GTF2F2: variants seen among roughly 807,000 people sequenced by gnomAD.
The protein encoded by GTF2F2 is ATP-dependent helicase GTF2F2.
In GTF2F2, 23 loss-of-function variants were observed where a neutral mutation model predicts 42.2. The ratio of observed to expected loss-of-function variants is 0.55; its 90% confidence interval spans 0.39 to 0.77. GTF2F2 has a LOEUF of 0.77. GTF2F2 is among the 30% of genes least tolerant of loss of function. The pLI, the probability that GTF2F2 is intolerant of heterozygous loss-of-function variation, is 0.00. For missense variants in GTF2F2, 261 were observed against 287.2 expected (o/e 0.91, Z 0.66); for synonymous variants, 105 against 100.8 (o/e 1.04, Z -0.25).
intron 4 of GTF2F2, among the ~76,000 whole-genome samples, chr13:45,157,884 T>A (rs1227797256): frequency 2.0e-5 from 3 of 152,178 alleles, no homozygotes; most frequent in Non-Finnish European, 4.4e-5. Flanking sequence ...GTGCCCAGTC[T>A]GCCACTTGGA....
chr13:45,276,592 A>G (rs1877046666), intron 7 of GTF2F2, among the ~76,000 whole-genome samples: 1 of 152,034 alleles, frequency 6.6e-6, no homozygotes, highest in East Asian at 1.9e-4. Flanking sequence ...GCCTGACACC[A>G]TGCCTGGCCA....
intron 5 of GTF2F2, among the ~76,000 whole-genome samples, chr13:45,231,024 G>A (rs1874649434): frequency 6.6e-6 from 1 of 151,778 alleles, no homozygotes; most frequent in South Asian, 2.1e-4. Context: ...TTAATTGTTT[G>A]TCATTGTATC....
At chr13:45,273,655 A>AATTTTTTTTTTTTTTTT (rs1555273613) in intron 7 of GTF2F2, among the ~76,000 whole-genome samples, 1 of 123,864 alleles carries the variant, frequency 8.1e-6, no homozygotes, top group African/African-American at 3.5e-5. Context: ...GAGTGGTAAA[A>AATTTTTTTTTTTTTTTT]TTTTTTTTTT....
At chr13:45,254,242 A>T (rs1319026930) in intron 6 of GTF2F2, among the ~76,000 whole-genome samples, 2 of 152,136 alleles carry the variant, frequency 1.3e-5, no homozygotes, top group Non-Finnish European at 2.9e-5. Context: ...TAATTTATAA[A>T]TTGAACTTTA....
In GTF2F2 at chr13:45,180,428, AT is replaced by A. The variant is rs554006346; in HGVS notation, c.305-26989del. Among the ~76,000 whole-genome samples, 742 of 151,978 alleles carry A rather than the reference AT, an allele frequency of 4.9e-3. 7 individuals carry two copies. The highest frequency in any genetic ancestry group is 0.017 in the African/African-American group (703 of 41,466). ...TTAGTTAGACAGTTATAATTTTGTC[AT>A]TTTTTTCCGTATGTGTGTGTATGTA... On this transcript the variant is annotated intron_variant, in intron 4 of 7. Transcript: ENST00000340473.
intron 3 of GTF2F2, among the ~76,000 whole-genome samples, chr13:45,149,997 A>G (rs1014812601): frequency 2.0e-5 from 3 of 152,160 alleles, no homozygotes; most frequent in African/African-American, 7.2e-5. Context: ...TCTTTGACCT[A>G]CATTTCCCCT....
intron 3 of GTF2F2, among the ~76,000 whole-genome samples, chr13:45,151,346 A>G (rs1870482499): frequency 6.6e-6 from 1 of 152,120 alleles, no homozygotes; most frequent in South Asian, 2.1e-4. Context: ...ACAAATGGGA[A>G]TAGATTATCT....
chr13:45,244,603 A>G (rs897656583), intron 5 of GTF2F2, among the ~76,000 whole-genome samples: 3 of 152,214 alleles, frequency 2.0e-5, no homozygotes, highest in Non-Finnish European at 2.9e-5. Context: ...CTGTTTCCTT[A>G]TAATAGTAAC....
chr13:45,195,635 T>G (rs1012820857), intron 4 of GTF2F2, among the ~76,000 whole-genome samples: 1 of 152,196 alleles, frequency 6.6e-6, no homozygotes, highest in Non-Finnish European at 1.5e-5. Context: ...CACCCTCCAC[T>G]TCTCACATCT....
chr13:45,275,999 A>G (rs894954445), intron 7 of GTF2F2, among the ~76,000 whole-genome samples: 6 of 152,154 alleles, frequency 3.9e-5, no homozygotes, highest in Non-Finnish European at 8.8e-5. Flanking sequence ...CCTCCAGTAT[A>G]CTTTAAATCT....
intron 4 of GTF2F2, among the ~76,000 whole-genome samples, chr13:45,169,482 C>T (rs1871487722): frequency 6.6e-6 from 1 of 152,196 alleles, no homozygotes; most frequent in South Asian, 2.1e-4. Context: ...TTAAGCCACC[C>T]AGTCTGTGGA....
intron 1 of GTF2F2, chr13:45,124,201 G>A (rs1200004525): frequency 1.0e-5 from 4 of 399,332 alleles, no homozygotes. Context: ...TCCTGCCTCA[G>A]CCTCCCGAGT....
At chr13:45,221,485 C>T (rs1304260940) in intron 5 of GTF2F2, among the ~76,000 whole-genome samples, 1 of 152,048 alleles carries the variant, frequency 6.6e-6, no homozygotes, top group Non-Finnish European at 1.5e-5. Context: ...ACCATCTGTA[C>T]CCCCCAAAAC....
At chr13:45,193,942 A>G in intron 4 of GTF2F2, 1 of 1,614,158 alleles carries the variant, frequency 6.2e-7, no homozygotes, top group Non-Finnish European at 8.5e-7. Context: ...TTCCTTTAGT[A>G]CAAGTCGAGT....
chr13:45,211,585 AATTT>A (rs1873644839), intron 5 of GTF2F2, among the ~76,000 whole-genome samples: 2 of 143,016 alleles, frequency 1.4e-5, no homozygotes, highest in African/African-American at 2.6e-5. Flanking sequence ...AAAAAAAAAA[AATTT>A]TTTTTTTTTT....
chr13:45,123,358 T>G (rs1868778268), intron 1 of GTF2F2: 1 of 152,282 alleles, frequency 6.6e-6, no homozygotes, highest in African/African-American at 2.4e-5. Context: ...CCGGGTGCAG[T>G]GGCTGATGTC....
Position 45,161,101 on chromosome 13 carries a change from T to A in GTF2F2, c.304+9270T>A, listed in dbSNP as rs77244623. ...AAGGACATTGTGAAGTGAAACAGAC[T>A]TTTTAAAAAATTGCAAGTGCTAGGT... On this transcript the variant is annotated intron_variant, in intron 4 of 7. Coordinates refer to ENST00000340473, the MANE Select transcript of GTF2F2 (RefSeq NM_004128.3). Among the ~76,000 whole-genome samples the A allele has an allele frequency of 2.7e-3, 417 of 152,272 alleles. 2 individuals are homozygous for A. The highest frequency in any genetic ancestry group is 9.5e-3 in the African/African-American group (396 of 41,560).
intron 5 of GTF2F2, among the ~76,000 whole-genome samples, chr13:45,242,532 TTA>T (rs1475806857): frequency 1.3e-5 from 2 of 152,186 alleles, no homozygotes; most frequent in South Asian, 2.1e-4. Context: ...AGTGATATAT[TTA>T]TGTTTTTAAA....
chr13:45,146,933 A>T (rs1252647216), intron 2 of GTF2F2, among the ~76,000 whole-genome samples: 1 of 152,252 alleles, frequency 6.6e-6, no homozygotes, highest in Non-Finnish European at 1.5e-5. Flanking sequence ...TGTGTACTTC[A>T]TACATTCACA....
Sources: gnomAD v4.1 joint callset for allele counts (sites outside exome capture counted in the v4.1 genomes callset) on GRCh38, gnomAD v4.1.1 for gene constraint, MANE v1.5 for transcripts, NCBI Gene and HGNC (gene_info 2026-07-23, HGNC 2026-07-21) for gene names.